The following TEF variants were observed in gnomAD, a reference collection of about 807,000 sequenced individuals.
TEF encodes the protein TEF transcription factor, PAR bZIP family member.
A neutral mutation model predicts 20.8 loss-of-function variants in TEF; 3 were observed. The ratio of observed to expected loss-of-function variants is 0.14; its 90% CI spans 0.07 to 0.37. The LOEUF is 0.37. Among genes scored for constraint, TEF ranks in the 10% least tolerant of loss-of-function variants. TEF has a pLI of 1.00. For synonymous variants in TEF, 180 were observed against 171.1 expected (o/e 1.05, Z -0.41); for missense variants, 296 against 397.9 (o/e 0.74, Z 2.18).
intron 1 of TEF, among the ~76,000 whole-genome samples, chr22:41,368,147 G>C (rs574690749): frequency 2.4e-4 from 37 of 152,286 alleles, no homozygotes; most frequent in African/African-American, 8.9e-4. Context: ...ACGCGCGAGG[G>C]AGGAGAGAGG....
At chr22:41,377,651 T>A (rs1203955630), upstream of TEF, among the ~76,000 whole-genome samples, 1 of 152,190 alleles carries the variant, frequency 6.6e-6, no homozygotes, top group African/African-American at 2.4e-5. Context: ...AGGATGGCAC[T>A]GTTTAATGCT....
At chr22:41,376,748 C>A (rs2036947014) in intron 1 of TEF, among the ~76,000 whole-genome samples, 1 of 152,182 alleles carries the variant, frequency 6.6e-6, no homozygotes, top group Non-Finnish European at 1.5e-5. Flanking sequence ...GGTGGGTACC[C>A]ACCCACTCCA....
At chr22:41,380,553 A>AC (rs540730946), upstream of TEF, among the ~76,000 whole-genome samples, 8 of 150,930 alleles carry the variant, frequency 5.3e-5, no homozygotes, top group Non-Finnish European at 7.4e-5. Flanking sequence ...TCACTATACC[A>AC]CCCCCCCAAC....
At chr22:41,393,629 C>T (rs538635191) in intron 2 of TEF, among the ~76,000 whole-genome samples, 3 of 151,866 alleles carry the variant, frequency 2.0e-5, no homozygotes, top group Non-Finnish European at 4.4e-5. Flanking sequence ...TGGTGGCGGG[C>T]ACCTGCGGTG....
chr22:41,388,716 A>C (rs1290618737), intron 2 of TEF, among the ~76,000 whole-genome samples: 1 of 152,142 alleles, frequency 6.6e-6, no homozygotes, highest in East Asian at 1.9e-4. Flanking sequence ...GAACCTACCA[A>C]AGGAGACATG....
upstream of TEF, among the ~76,000 whole-genome samples, chr22:41,380,156 T>G (rs1197016651): frequency 2.0e-5 from 3 of 152,102 alleles, no homozygotes; most frequent in East Asian, 5.8e-4. Flanking sequence ...TTATTTTTAT[T>G]TATTTATTTT....
At chr22:41,382,785 G>A (rs528034215) in intron 1 of TEF, 1 of 407,158 alleles carries the variant, frequency 2.5e-6, no homozygotes, top group African/African-American at 2.1e-5. Context: ...GAGCGGGTGG[G>A]GGGGGTGTGG....
At chr22:41,372,640 G>A (rs1302790246) in intron 1 of TEF, among the ~76,000 whole-genome samples, 1 of 152,146 alleles carries the variant, frequency 6.6e-6, no homozygotes, top group Non-Finnish European at 1.5e-5. Context: ...TCGTCACCCA[G>A]CCACTCATCA....
At chr22:41,374,314 G>T (rs527639552) in intron 1 of TEF, among the ~76,000 whole-genome samples, 2 of 152,168 alleles carry the variant, frequency 1.3e-5, no homozygotes, top group South Asian at 2.1e-4. Context: ...ACTTTGGGAG[G>T]CCGAGGCAAG....
chr22:41,382,315 G>T (rs2037041561), intron 1 of TEF, 114 bp downstream of exon 1: 2 of 954,156 alleles, frequency 2.1e-6, no homozygotes, highest in South Asian at 5.1e-5. Flanking sequence ...TCCAGCGGAG[G>T]GGGATGGGGC....
At chr22:41,380,866 T>A (rs1301697619), upstream of TEF, among the ~76,000 whole-genome samples, 3 of 152,186 alleles carry the variant, frequency 2.0e-5, no homozygotes, top group African/African-American at 7.2e-5. Context: ...GAGGTTTTTG[T>A]TTTCTAGGTA....
intron 2 of TEF, among the ~76,000 whole-genome samples, chr22:41,390,772 C>T (rs2037155410): frequency 6.6e-6 from 1 of 152,026 alleles, no homozygotes; most frequent in Admixed American, 6.6e-5. Context: ...GGATTACAGG[C>T]GTGAGCCACT....
At chr22:41,391,618 C>A (rs2145988809) in intron 2 of TEF, among the ~76,000 whole-genome samples, 1 of 145,730 alleles carries the variant, frequency 6.9e-6, no homozygotes, top group South Asian at 2.1e-4. Flanking sequence ...ACCAGGCCGG[C>A]ATCTGACTTT....
In TEF at chr22:41,387,983, C is replaced by CTTTTTTTTTT. The variant is rs530707936; in HGVS notation, c.475+338_475+347dup. Among the ~76,000 whole-genome samples the CTTTTTTTTTT allele has an allele frequency of 1.0e-3, 50 of 50,114 alleles. 14 individuals carry two copies. The highest frequency in any genetic ancestry group is 1.4e-3 in the Non-Finnish European group (40 of 28,964). 32.9% of individuals were successfully genotyped at this position (50,114 alleles called of 152,430 possible). ...CATTCTGCATTTCCTCAATGCTGCT[C>CTTTTTTTTTT]TTTTTTTTTTTTTTTTTTTTTTTTT... is the stretch of plus-strand genomic sequence containing the variant. On this transcript the variant is annotated intron_variant, in intron 2 of 3. Transcript: ENST00000266304.
Position 41,396,969 on chromosome 22 carries a change from T to C in TEF, c.*1009T>C, listed in dbSNP as rs138454762. Reference sequence around the variant, plus strand: ...GGGCATGAGAGCTGGGGTGTGTTTCTTGAGAAGCTCCCTTTTTTCTTGCTC... The same window carrying C: ...GGGCATGAGAGCTGGGGTGTGTTTCCTGAGAAGCTCCCTTTTTTCTTGCTC... On this transcript the variant is annotated 3_prime_UTR_variant, in exon 4 of 4. Coordinates refer to ENST00000266304, the MANE Select transcript of TEF (RefSeq NM_003216.4). 825 of 398,692 alleles carry C rather than the reference T, an allele frequency of 2.1e-3. 19 individuals are homozygous for C. In the East Asian group the frequency reaches 0.024, roughly 12 times the overall value. The allele number at this position is 398,692 out of a possible 1,614,324, so 24.7% of individuals were successfully genotyped here.
chr22:41,370,037 G>A (rs943181399), intron 1 of TEF: 1 of 985,284 alleles, frequency 1.0e-6, no homozygotes, highest in African/African-American at 1.7e-5. Flanking sequence ...TCTGCGGAGT[G>A]TGAGAAACTC....
At chr22:41,382,397 T>G (rs1329501847) in intron 1 of TEF, among the ~76,000 whole-genome samples, 196 bp downstream of exon 1, 2 of 148,110 alleles carry the variant, frequency 1.4e-5, no homozygotes, top group Admixed American at 6.7e-5. Context: ...GCTGAGACGG[T>G]GGGTCTGGCG....
upstream of TEF, among the ~76,000 whole-genome samples, chr22:41,381,291 C>G (rs191954184): frequency 2.0e-5 from 3 of 152,136 alleles, no homozygotes; most frequent in Non-Finnish European, 4.4e-5. Flanking sequence ...CAAAAAGACC[C>G]GTCCCTCCCT....
Position 41,382,175 on chromosome 22 carries a change from A to C in TEF, c.131A>C (p.Glu44Ala), listed in dbSNP as rs2037036379. Reference protein sequence around the residue: ...SFPLVLKKLMENPPREARLDK... With the variant: ...SFPLVLKKLMANPPREARLDK... ...CCCCTGGTCCTGAAGAAGCTGATGG[A>C]GAACCCCCCGCGCGAGGCGCGCCTC... The change falls in exon 1 of 4, where the codon GAG becomes GCG. Residue 44 changes from glutamate to alanine, a missense_variant. Glu to Ala is a moderately radical substitution (Grantham distance 107). Transcript: ENST00000266304. The C allele has an allele frequency of 1.6e-6, 2 of 1,230,724 alleles. No individual in the cohort carries two copies. Among genetic ancestry groups the C allele is most frequent in the East Asian group, 3.2e-5 (1 of 31,420 alleles). The allele number at this position is 1,230,724 out of a possible 1,614,324, so 76.2% of individuals were successfully genotyped here. A position where few individuals can be genotyped will look rare whatever the true frequency, so the allele number is the denominator to read the frequency against.
Sources: allele counts gnomAD v4.1 joint callset (sites outside exome capture counted in the v4.1 genomes callset), GRCh38; gene constraint gnomAD v4.1.1; transcripts MANE v1.5; gene names NCBI Gene and HGNC (gene_info 2026-07-23, HGNC 2026-07-21).